Variants in TRMT11 observed in about 807,000 individuals in gnomAD.
TRMT11 encodes tRNA methyltransferase 11.
In TRMT11, 53 loss-of-function variants were observed where a neutral mutation model predicts 62.8. The observed-to-expected ratio is 0.84, with a 90% CI of 0.68 to 1.06. TRMT11 has a LOEUF of 1.06. Among genes scored for constraint, TRMT11 ranks in the 50% least tolerant of loss-of-function variants. The pLI is 0.00. For missense variants in TRMT11, 556 were observed against 553.4 expected, an observed-to-expected ratio of 1.00 and a Z score of -0.05; for synonymous variants, 188 against 190.3, an observed-to-expected ratio of 0.99 and a Z score of 0.10.
intron 1 of TRMT11, among the ~76,000 whole-genome samples, chr6:126,195,082 T>C (rs9491581): frequency 0.098 from 14,848 of 152,222 alleles, 2,424 homozygotes; most frequent in African/African-American, 0.34. Flanking sequence ...TACCATTGTA[T>C]TCTAGCCTGG....
At chr6:125,998,379 T>C in intron 5 of TRMT11, 64 bp downstream of exon 5, 1 of 1,279,930 alleles carries the variant, frequency 7.8e-7, no homozygotes, top group Non-Finnish European at 1.1e-6. Context: ...TGTTGATATA[T>C]AGGAATACCT....
chr6:125,991,261 A>AT (rs1299659652), intron 1 of TRMT11, among the ~76,000 whole-genome samples: 15 of 149,520 alleles, frequency 1.0e-4, no homozygotes, highest in African/African-American at 3.7e-4. Context: ...AAAAAAAAAA[A>AT]TTTTTTTTGG....
At chr6:126,016,260 T>C (rs944566978) in intron 11 of TRMT11, among the ~76,000 whole-genome samples, 2 of 152,196 alleles carry the variant, frequency 1.3e-5, no homozygotes, top group African/African-American at 4.8e-5. Context: ...TTTATAGTGG[T>C]ATGGAGTCAT....
rs748246520 is a variant in TRMT11 at position 126,133,368 on chromosome 6, C to CA, written c.*1823+17519dup. On this transcript the variant is annotated intron_variant and NMD_transcript_variant, in intron 21 of 22. Coordinates refer to the TRMT11 transcript ENST00000648977. ...AGGTTAAAAAAATAAGGAGCATATACAAAAAAGTGAGCTCTAAATTTCTTT... is the reference window on the plus strand; with the variant it reads ...AGGTTAAAAAAATAAGGAGCATATACAAAAAAAGTGAGCTCTAAATTTCTTT... 3.3e-5 allele frequency among the ~76,000 whole-genome samples: 5 copies of CA among 152,032 alleles called. No homozygotes were observed. The East Asian group carries it at 9.7e-4, about 29-fold the overall frequency.
intron 12 of TRMT11, among the ~76,000 whole-genome samples, chr6:126,031,727 C>T (rs1774233909): frequency 1.3e-5 from 2 of 152,168 alleles, no homozygotes; most frequent in South Asian, 2.1e-4. Flanking sequence ...GTTGAGGGAC[C>T]TTACCTACTG....
chr6:125,993,838 AT>A lies in TRMT11; in HGVS notation c.138+18del. The A allele has an allele frequency of 6.5e-7, 1 of 1,534,132 alleles. No individual in the cohort carries two copies. Among genetic ancestry groups the A allele is most frequent in the Non-Finnish European group, 9.0e-7 (1 of 1,108,008 alleles). On this transcript the variant is annotated intron_variant, in intron 2 of 12. Coordinates refer to ENST00000334379, the MANE Select transcript of TRMT11 (RefSeq NM_001031712.3). Reference sequence around the variant, plus strand: ...TTATGGAAAGGTAAGTTAAATTTTCATTAGACCATATGGAGTATACTTAGAA... The same window carrying A: ...TTATGGAAAGGTAAGTTAAATTTTCATAGACCATATGGAGTATACTTAGAA...
At chr6:126,135,241 G>A (rs1777837359) in intron 21 of TRMT11, among the ~76,000 whole-genome samples, 1 of 151,464 alleles carries the variant, frequency 6.6e-6, no homozygotes, top group South Asian at 2.1e-4. Flanking sequence ...CAAACCTTTA[G>A]CTAGATCAAC....
intron 17 of TRMT11, among the ~76,000 whole-genome samples, chr6:126,074,370 T>A (rs1482464670): frequency 6.6e-6 from 1 of 152,198 alleles, no homozygotes; most frequent in African/African-American, 2.4e-5. Context: ...GTTTTGTTTC[T>A]TCTGACAGGA....
chr6:126,143,889 C>T (rs2128217034), intron 21 of TRMT11, among the ~76,000 whole-genome samples: 1 of 152,266 alleles, frequency 6.6e-6, no homozygotes, highest in Admixed American at 6.5e-5. Flanking sequence ...GCTTGACTCA[C>T]TGTGATCTGA....
At chr6:126,263,267 G>T in the TRMT11 span, among the ~76,000 whole-genome samples, 1 of 152,054 alleles carries the variant, frequency 6.6e-6, no homozygotes, top group African/African-American at 2.4e-5. Context: ...ATTATTTTGG[G>T]GGGAAAATAG....
the TRMT11 span, among the ~76,000 whole-genome samples, chr6:126,211,636 T>C: frequency 6.0e-5 from 9 of 151,258 alleles, no homozygotes; most frequent in Non-Finnish European, 1.3e-4. Context: ...TTATATTATA[T>C]ATATTTTTTA....
At chr6:126,260,287 A>G in the TRMT11 span, among the ~76,000 whole-genome samples, 8 of 152,198 alleles carry the variant, frequency 5.3e-5, no homozygotes, top group Non-Finnish European at 1.0e-4. Context: ...TTAAGCTGAT[A>G]GCAACTTAAC....
At chr6:126,243,162 C>T in the TRMT11 span, among the ~76,000 whole-genome samples, 72 of 152,212 alleles carry the variant, frequency 4.7e-4, no homozygotes, top group African/African-American at 1.7e-3. Flanking sequence ...GACATTTATG[C>T]AGCCAAAAGA....
At chr6:126,182,823 G>A (rs1778482685) in intron 1 of TRMT11, among the ~76,000 whole-genome samples, 1 of 152,110 alleles carries the variant, frequency 6.6e-6, no homozygotes, top group South Asian at 2.1e-4. Flanking sequence ...ATCATTGTCT[G>A]TCTTTTGACC....
At chr6:126,103,485 G>A (rs944600006) in intron 17 of TRMT11, among the ~76,000 whole-genome samples, 2 of 152,220 alleles carry the variant, frequency 1.3e-5, no homozygotes, top group African/African-American at 4.8e-5. Context: ...TGTTGGGCAT[G>A]TCTTAACTGG....
In TRMT11 at chr6:126,062,272, G is replaced by A. The variant is rs372967758; in HGVS notation, c.*1437+9082G>A. ...AGAATCGTAGCTGAGCAAAGGAATC[G>A]AAATATAGTTCATGTTGTGGAAAAA... On this transcript the variant is annotated intron_variant and NMD_transcript_variant, in intron 17 of 22. Transcript: ENST00000648977. 1.5e-3 allele frequency among the ~76,000 whole-genome samples: 224 copies of A among 152,282 alleles called. 1 individual carries two copies. Among genetic ancestry groups the A allele is most frequent in the African/African-American group, 4.9e-3 (205 of 41,564 alleles).
chr6:126,119,792 C>G (rs1305729735), intron 21 of TRMT11, among the ~76,000 whole-genome samples: 1 of 152,020 alleles, frequency 6.6e-6, no homozygotes, highest in Non-Finnish European at 1.5e-5. Flanking sequence ...GGATAAAGAA[C>G]TTACATATAT....
chr6:126,029,428 AC>A (rs1773789716), intron 12 of TRMT11, among the ~76,000 whole-genome samples: 1 of 152,096 alleles, frequency 6.6e-6, no homozygotes, highest in African/African-American at 2.4e-5. Flanking sequence ...TCTGACTGTT[AC>A]GGTAATCATA....
intron 17 of TRMT11, among the ~76,000 whole-genome samples, chr6:126,109,695 G>C (rs1258359278): frequency 6.6e-6 from 1 of 152,182 alleles, no homozygotes; most frequent in Non-Finnish European, 1.5e-5. Context: ...TGATCTGTAA[G>C]TATCAGGATC....
Sources: allele counts gnomAD v4.1 joint callset (sites outside exome capture counted in the v4.1 genomes callset), GRCh38; gene constraint gnomAD v4.1.1; transcripts MANE v1.5; gene names NCBI Gene and HGNC (gene_info 2026-07-23, HGNC 2026-07-21).